The following NHS variants were observed in gnomAD, a reference collection of about 807,000 sequenced individuals.
NHS encodes actin remodeling regulator NHS.
NHS carries 5 observed loss-of-function variants against 72.5 expected under a neutral mutation model. The ratio of observed to expected loss-of-function variants is 0.07; its 90% CI spans 0.04 to 0.14. NHS has a LOEUF of 0.14. NHS is among the 10% of genes least tolerant of loss of function. The pLI, the probability that NHS is intolerant of heterozygous loss-of-function variation, is 1.00. For missense variants in NHS, 1,072 were observed against 1,355.7 expected, an observed-to-expected ratio of 0.79 and a Z score of 3.29; for synonymous variants, 464 against 547.7, an observed-to-expected ratio of 0.85 and a Z score of 2.13.
chrX:17,708,948 G>C (rs1292833449), intron 3 of NHS, among the ~76,000 whole-genome samples: 1 of 111,360 alleles, frequency 9.0e-6, no homozygotes, highest in Non-Finnish European at 1.9e-5. Context: ...TGACCTGAAG[G>C]AGCTATGCTT....
intron 1 of NHS, among the ~76,000 whole-genome samples, chrX:17,602,436 G>T (rs1391954303): frequency 9.0e-6 from 1 of 111,626 alleles, no homozygotes; most frequent in African/African-American, 3.3e-5. Flanking sequence ...AATTGGGTGG[G>T]GCAGGCTTTC....
intron 1 of NHS, among the ~76,000 whole-genome samples, chrX:17,572,861 T>TA (rs2065489120): frequency 8.9e-6 from 1 of 111,886 alleles, no homozygotes; most frequent in African/African-American, 3.3e-5. Context: ...GGAGCTCTTG[T>TA]AAGGAAGGCC....
chrX:17,635,838 A>G (rs148228186), intron 1 of NHS, among the ~76,000 whole-genome samples: 2 of 112,352 alleles, frequency 1.8e-5, no homozygotes, highest in Non-Finnish European at 3.8e-5. Context: ...AGGACCTTGC[A>G]TTGTTCATAC....
intron 1 of NHS, among the ~76,000 whole-genome samples, chrX:17,455,289 C>G (rs757118262): frequency 9.0e-6 from 1 of 111,716 alleles, no homozygotes; most frequent in South Asian, 3.8e-4. Flanking sequence ...CTGGTTACCT[C>G]CCAATAGCTA....
At chrX:17,609,218 A>G (rs1218209247) in intron 1 of NHS, among the ~76,000 whole-genome samples, 1 of 112,244 alleles carries the variant, frequency 8.9e-6, no homozygotes, top group Non-Finnish European at 1.9e-5. Context: ...ATAAATAATT[A>G]CCTTATGGAA....
At chrX:17,455,479 T>C (rs1446811730) in intron 1 of NHS, among the ~76,000 whole-genome samples, 1 of 111,991 alleles carries the variant, frequency 8.9e-6, no homozygotes, top group Non-Finnish European at 1.9e-5. Flanking sequence ...CCAACAACCA[T>C]ACTCAATTGA....
rs143623747 is a variant in NHS at position 17,395,375 on chromosome X, T to C, written c.565+19053T>C. Among the ~76,000 whole-genome samples the C allele has an allele frequency of 3.7e-3, 411 of 112,179 alleles. 2 individuals are homozygous for C. Among genetic ancestry groups the C allele is most frequent in the African/African-American group, 0.013 (387 of 30,927 alleles). On this transcript the variant is annotated intron_variant, in intron 1 of 8. Coordinates refer to ENST00000676302, the MANE Select transcript of NHS (RefSeq NM_001291867.2). Reference sequence around the variant, plus strand: ...TGGCTGTATGTCTGGTTCTAATTAGTTGCTTAGTTTTCCCCCAAAATAAAT... The same window carrying C: ...TGGCTGTATGTCTGGTTCTAATTAGCTGCTTAGTTTTCCCCCAAAATAAAT...
intron 3 of NHS, among the ~76,000 whole-genome samples, chrX:17,713,494 C>A (rs1352200557): frequency 1.8e-5 from 2 of 112,281 alleles, no homozygotes; most frequent in Non-Finnish European, 3.8e-5. Context: ...CTCTGAAAGT[C>A]AACTGCTATA....
At chrX:17,674,812 T>C (rs1323909961) in intron 1 of NHS, among the ~76,000 whole-genome samples, 1 of 112,091 alleles carries the variant, frequency 8.9e-6, no homozygotes, top group Non-Finnish European at 1.9e-5. Flanking sequence ...CATCACTGTG[T>C]GGGCTTCTCT....
At position 17,375,884 on chromosome X, in the gene NHS, C is replaced by G. The variant is rs1486316948; in HGVS notation, c.127C>G (p.Arg43Gly). ...EPPPPLQPPGRRDLDEVEAPG... is the reference protein window; with the variant it reads ...EPPPPLQPPGGRDLDEVEAPG... ...GCCGCCGCCCTTGCAGCCGCCGGGC[C>G]GGAGGGACCTGGACGAGGTCGAGGC... The change falls in exon 1 of 9, where the codon CGG (arginine) becomes GGG (glycine). Residue 43 changes from arginine to glycine, a missense_variant. Arg to Gly is a moderately radical substitution (Grantham distance 125). Transcript: ENST00000676302. The G allele has an allele frequency of 4.5e-6, 5 of 1,107,534 alleles. No homozygotes were observed. The highest frequency in any genetic ancestry group is 5.9e-6 in the Non-Finnish European group (5 of 852,806). 91.3% of individuals were successfully genotyped at this position (1,107,534 alleles called of 1,213,427 possible). A position where few individuals can be genotyped will look rare whatever the true frequency, so the allele number is the denominator to read the frequency against.
intron 3 of NHS, among the ~76,000 whole-genome samples, chrX:17,710,520 G>C (rs150921234): frequency 0.016 from 1,817 of 112,515 alleles, 41 homozygotes; most frequent in African/African-American, 0.056. Context: ...CTGGGTGAAA[G>C]AAACCAGTCT....
At chrX:17,430,985 T>C (rs140792130) in intron 1 of NHS, among the ~76,000 whole-genome samples, 432 of 112,378 alleles carry the variant, frequency 3.8e-3, no homozygotes, top group Middle Eastern at 9.2e-3. Flanking sequence ...TCTTCTCTTA[T>C]ATACCTAAGG....
rs185912867 is a variant in NHS, at chrX:17,619,498, T to C, written c.566-68244T>C. 1.9e-3 allele frequency among the ~76,000 whole-genome samples: 218 copies of C among 112,567 alleles called. 2 individuals carry two copies. Among genetic ancestry groups the C allele is most frequent in the African/African-American group, 6.5e-3 (200 of 30,861 alleles). On this transcript the variant is annotated intron_variant, in intron 1 of 8. Coordinates refer to ENST00000676302, the MANE Select transcript of NHS (RefSeq NM_001291867.2). Reference sequence around the variant, plus strand: ...ACATTCTACAAGTTTCAGAGGGGCATGTAGAACACACTTCTCTGTAATTTG... The same window carrying C: ...ACATTCTACAAGTTTCAGAGGGGCACGTAGAACACACTTCTCTGTAATTTG...
chrX:17,594,377 G>C (rs776856908), intron 1 of NHS, among the ~76,000 whole-genome samples: 1 of 111,429 alleles, frequency 9.0e-6, no homozygotes, highest in African/African-American at 3.3e-5. Context: ...TCTTTGCTTG[G>C]ATATCTATGA....
chrX:17,698,105 T>A (rs1221902831), intron 3 of NHS, among the ~76,000 whole-genome samples: 2 of 111,584 alleles, frequency 1.8e-5, no homozygotes, highest in African/African-American at 6.5e-5. Context: ...TTTGCCTATT[T>A]AAAAACTTTT....
intron 3 of NHS, among the ~76,000 whole-genome samples, chrX:17,702,374 A>C (rs2066270282): frequency 8.9e-6 from 1 of 112,119 alleles, no homozygotes; most frequent in South Asian, 3.7e-4. Context: ...GTATAATTTT[A>C]AATGGAACAG....
rs770562719 is a variant in NHS at position 17,584,408 on chromosome X, T to C, written c.566-103334T>C. Among the ~76,000 whole-genome samples the C allele has an allele frequency of 1.9e-3, 210 of 112,006 alleles. 1 individual carries two copies. The highest frequency in any genetic ancestry group is 6.6e-3 in the African/African-American group (202 of 30,787). On this transcript the variant is annotated intron_variant, in intron 1 of 8. Transcript: ENST00000676302. Reference sequence around the variant, plus strand: ...GGGTGTCTTGTTTCTCCTTTTCCTCTTGCCTGCTGCCTTGGTGGGCCTCCT... The same window carrying C: ...GGGTGTCTTGTTTCTCCTTTTCCTCCTGCCTGCTGCCTTGGTGGGCCTCCT...
At chrX:17,487,635 A>G (rs2064972664) in intron 1 of NHS, among the ~76,000 whole-genome samples, 1 of 111,570 alleles carries the variant, frequency 9.0e-6, no homozygotes, top group East Asian at 2.8e-4. Flanking sequence ...GTCTGGTTAC[A>G]GGCTCAGAAG....
chrX:17,611,076 G>C (rs2065709312), intron 1 of NHS, among the ~76,000 whole-genome samples: 1 of 112,432 alleles, frequency 8.9e-6, no homozygotes, highest in Non-Finnish European at 1.9e-5. Flanking sequence ...TCCCACATTT[G>C]ATTAGAATCA....
Sources: allele counts gnomAD v4.1 joint callset (sites outside exome capture counted in the v4.1 genomes callset), GRCh38; gene constraint gnomAD v4.1.1; transcripts MANE v1.5; gene names NCBI Gene and HGNC (gene_info 2026-07-23, HGNC 2026-07-21).